The following UBE2G1 variants were observed in gnomAD, a reference collection of about 807,000 sequenced individuals.
UBE2G1 encodes ubiquitin-conjugating enzyme E2 G1.
In UBE2G1, 5 loss-of-function variants were observed where a neutral mutation model predicts 22.7. The ratio of observed to expected loss-of-function variants is 0.22; its 90% CI spans 0.12 to 0.46. The LOEUF (loss-of-function observed/expected upper bound fraction) is 0.46, where lower values mean the gene tolerates loss of function less well. Ranked by LOEUF, UBE2G1 falls within the 20% of genes least tolerant of loss-of-function variation. UBE2G1 has a pLI of 0.99. For synonymous variants in UBE2G1, 74 were observed against 67.5 expected, an observed-to-expected ratio of 1.10 and a Z score of -0.47; for missense variants, 88 against 203.9, an observed-to-expected ratio of 0.43 and a Z score of 3.46.
intron 1 of UBE2G1, among the ~76,000 whole-genome samples, chr17:4,357,517 G>GGGGGT (rs1567531434): frequency 2.2e-5 from 1 of 44,686 alleles, no homozygotes; most frequent in African/African-American, 7.7e-5. Context: ...GTGGGGGGGG[G>GGGGGT]GGGTGGGTGT....
chr17:4,303,328 T>C (rs1250410512), intron 2 of UBE2G1, among the ~76,000 whole-genome samples: 1 of 152,164 alleles, frequency 6.6e-6, no homozygotes, highest in Non-Finnish European at 1.5e-5. Context: ...AACTACAAAG[T>C]GTCCTTCGAA....
At chr17:4,301,887 A>G in intron 2 of UBE2G1, 1 of 494,806 alleles carries the variant, frequency 2.0e-6, no homozygotes, top group Non-Finnish European at 4.0e-6. Flanking sequence ...TCTAAGATTG[A>G]AGCTTCGTGG....
chr17:4,346,725 C>T (rs554274783), intron 1 of UBE2G1, among the ~76,000 whole-genome samples: 3 of 151,722 alleles, frequency 2.0e-5, no homozygotes, highest in African/African-American at 7.2e-5. Flanking sequence ...TGAGCCACCG[C>T]GTCCAGCTCC....
At chr17:4,303,923 G>A (rs1266832098) in intron 2 of UBE2G1, among the ~76,000 whole-genome samples, 1 of 152,138 alleles carries the variant, frequency 6.6e-6, no homozygotes, top group East Asian at 1.9e-4. Context: ...AGCCACTGGT[G>A]ATGAAAGGAA....
intron 1 of UBE2G1, among the ~76,000 whole-genome samples, chr17:4,327,911 C>A (rs1024802439): frequency 1.3e-5 from 2 of 152,184 alleles, no homozygotes; most frequent in Non-Finnish European, 2.9e-5. Flanking sequence ...GCCATCCTTG[C>A]CTTAACATAA....
At chr17:4,304,823 T>C (rs1969229378) in intron 2 of UBE2G1, among the ~76,000 whole-genome samples, 2 of 152,200 alleles carry the variant, frequency 1.3e-5, no homozygotes, top group Non-Finnish European at 2.9e-5. Flanking sequence ...GGCAGTTATT[T>C]AAACGTAAGG....
At chr17:4,277,664 T>G (rs1245272883) in intron 5 of UBE2G1, among the ~76,000 whole-genome samples, 1 of 152,224 alleles carries the variant, frequency 6.6e-6, no homozygotes, top group African/African-American at 2.4e-5. Flanking sequence ...TGAATGTAGA[T>G]AAATATGTAT....
chr17:4,351,091 C>T (rs1462742831), intron 1 of UBE2G1, among the ~76,000 whole-genome samples: 2 of 149,390 alleles, frequency 1.3e-5, no homozygotes, highest in East Asian at 2.0e-4. Flanking sequence ...CCCAGCTACT[C>T]GGGACTCTGA....
chr17:4,280,892 CA>C (rs1258009969), intron 5 of UBE2G1, among the ~76,000 whole-genome samples: 1 of 152,144 alleles, frequency 6.6e-6, no homozygotes, highest in Non-Finnish European at 1.5e-5. Context: ...CTCGGCCTCC[CA>C]AAGTGCTGGG....
intron 1 of UBE2G1, among the ~76,000 whole-genome samples, chr17:4,358,200 T>C (rs1465059279): frequency 6.6e-6 from 1 of 152,194 alleles, no homozygotes. Context: ...TGTCTAATAA[T>C]GTTGAACATG....
intron 5 of UBE2G1, among the ~76,000 whole-genome samples, chr17:4,279,328 T>C (rs1456340054): frequency 6.7e-6 from 1 of 149,958 alleles, no homozygotes; most frequent in Non-Finnish European, 1.5e-5. Context: ...GGCTGATGTG[T>C]TGGAAATCTG....
chr17:4,323,197 A>G (rs199794490), intron 1 of UBE2G1, among the ~76,000 whole-genome samples: 1 of 152,236 alleles, frequency 6.6e-6, no homozygotes, highest in East Asian at 1.9e-4. Flanking sequence ...AGAAATTTAA[A>G]AAGAAAACGT....
intron 1 of UBE2G1, among the ~76,000 whole-genome samples, chr17:4,308,680 A>G (rs1969274779): frequency 1.3e-5 from 2 of 152,230 alleles, no homozygotes; most frequent in South Asian, 4.1e-4. Flanking sequence ...ATTGGCTCAA[A>G]TTGGAAAGTG....
At chr17:4,317,135 A>C (rs1231969994) in intron 1 of UBE2G1, among the ~76,000 whole-genome samples, 1 of 152,082 alleles carries the variant, frequency 6.6e-6, no homozygotes, top group Non-Finnish European at 1.5e-5. Context: ...AGATAACCTG[A>C]GGTCAGGAGT....
At chr17:4,340,466 G>C (rs1969698274) in intron 1 of UBE2G1, among the ~76,000 whole-genome samples, 1 of 152,096 alleles carries the variant, frequency 6.6e-6, no homozygotes, top group Non-Finnish European at 1.5e-5. Context: ...ACATGTTGAG[G>C]GAGGGACCTC....
chr17:4,315,826 A>G (rs181116476), intron 1 of UBE2G1, among the ~76,000 whole-genome samples: 2,245 of 132,274 alleles, frequency 0.017, 95 homozygotes, highest in African/African-American at 0.065. Flanking sequence ...TTCCTCCCTG[A>G]GACGGAGTCT....
In UBE2G1 at chr17:4,366,130, G is replaced by T. The variant is rs1970032127; in HGVS notation, c.46+141C>A. 6 of 853,080 alleles carry T rather than the reference G, an allele frequency of 7.0e-6. No homozygotes were observed. The Admixed American group carries it at 2.2e-4, about 31-fold the overall frequency. The allele number at this position is 853,080 out of a possible 1,614,324, so 52.8% of individuals were successfully genotyped here. A position where few individuals can be genotyped will look rare whatever the true frequency, so the allele number is the denominator to read the frequency against. On this transcript the variant is annotated intron_variant, in intron 1 of 5. Coordinates refer to ENST00000396981, the MANE Select transcript of UBE2G1 (RefSeq NM_003342.5). ...GGCGAGAACGGCTGGGCCCGGCCGG[G>T]ACCGGAGCCTCGAGGTCCCCACCCT...
chr17:4,343,563 C>T (rs1250044723), intron 1 of UBE2G1, among the ~76,000 whole-genome samples: 1 of 151,722 alleles, frequency 6.6e-6, no homozygotes, highest in Non-Finnish European at 1.5e-5. Context: ...GTTTGGGTGG[C>T]ATTTCACTAT....
chr17:4,355,774 C>A (rs1443474693), intron 1 of UBE2G1, among the ~76,000 whole-genome samples: 2 of 144,568 alleles, frequency 1.4e-5, no homozygotes, highest in African/African-American at 5.2e-5. Context: ...GATCTCAGCT[C>A]GCTGCAACCT....
Sources: allele counts gnomAD v4.1 joint callset (sites outside exome capture counted in the v4.1 genomes callset), GRCh38; gene constraint gnomAD v4.1.1; transcripts MANE v1.5; gene names NCBI Gene and HGNC (gene_info 2026-07-23, HGNC 2026-07-21).